S100A13: variants seen among roughly 807,000 people sequenced by gnomAD.
S100A13 encodes the protein S100 calcium binding protein A13, also known as protein S100-A13.
In S100A13, 6 loss-of-function variants were observed where a neutral mutation model predicts 8.2. That is an observed-to-expected ratio of 0.73 (90% CI 0.40 to 1.44). The LOEUF (loss-of-function observed/expected upper bound fraction) is 1.44. Among genes scored for constraint, S100A13 ranks in the 40% most tolerant of loss-of-function variants. The pLI is 0.02. For missense variants in S100A13, 114 were observed against 113.6 expected (o/e 1.00, Z -0.02); for synonymous variants, 39 against 45.9 (o/e 0.85, Z 0.61).
upstream of S100A13, chr1:153,629,399 A>G (rs1418062311): frequency 6.6e-6 from 1 of 152,136 alleles, no homozygotes; most frequent in East Asian, 1.9e-4. Context: ...CTGGGATGTC[A>G]TTCGATCAGG....
At chr1:153,621,358 T>C (rs987672435) in intron 2 of S100A13, among the ~76,000 whole-genome samples, 1 of 151,978 alleles carries the variant, frequency 6.6e-6, no homozygotes, top group South Asian at 2.1e-4. Flanking sequence ...GGTTTCACCA[T>C]GTTTGCCAGG....
chr1:153,619,311 C>T (rs934587181), intron 2 of S100A13, among the ~76,000 whole-genome samples: 1 of 152,202 alleles, frequency 6.6e-6, no homozygotes. Flanking sequence ...AAACCACAAA[C>T]AGGTTGTCGC....
At chr1:153,625,711 A>G (rs1365767072) in intron 2 of S100A13, among the ~76,000 whole-genome samples, 1 of 152,264 alleles carries the variant, frequency 6.6e-6, no homozygotes, top group Non-Finnish European at 1.5e-5. Context: ...CTCTGGGTCC[A>G]GTCCTGTCTT....
upstream of S100A13, chr1:153,628,293 T>C: frequency 6.6e-7 from 1 of 1,514,936 alleles, no homozygotes; most frequent in Non-Finnish European, 8.9e-7. Flanking sequence ...GGCCGCCTGT[T>C]CCAGCCCAGG....
chr1:153,624,946 T>A (rs1314884249), intron 2 of S100A13, among the ~76,000 whole-genome samples: 1 of 152,046 alleles, frequency 6.6e-6, no homozygotes, highest in Non-Finnish European at 1.5e-5. Flanking sequence ...ATGGTGGCGG[T>A]TGCCTGTAAT....
At chr1:153,628,375 G>A (rs759379552), upstream of S100A13, 32 of 1,546,792 alleles carry the variant, frequency 2.1e-5, no homozygotes, top group East Asian at 3.4e-4. Context: ...GGGTGGAGTC[G>A]GTGGGGGGGT....
At chr1:153,633,693 C>T (rs908558794), upstream of S100A13, among the ~76,000 whole-genome samples, 1 of 152,138 alleles carries the variant, frequency 6.6e-6, no homozygotes, top group Non-Finnish European at 1.5e-5. Context: ...TTCCCCAGGC[C>T]CAATTGTCCG....
At chr1:153,630,832 A>G (rs1390301012), upstream of S100A13, among the ~76,000 whole-genome samples, 1 of 152,178 alleles carries the variant, frequency 6.6e-6, no homozygotes, top group Non-Finnish European at 1.5e-5. Context: ...TCCTGGGTCA[A>G]GTCAAAATGC....
upstream of S100A13, chr1:153,632,046 G>A (rs1668047505): frequency 3.4e-6 from 2 of 585,290 alleles, no homozygotes; most frequent in Non-Finnish European, 6.0e-6. Context: ...GCCATCCGAT[G>A]TCTGTCTCCT....
intron 2 of S100A13, among the ~76,000 whole-genome samples, chr1:153,621,863 A>T (rs1667277561): frequency 6.6e-6 from 1 of 151,574 alleles, no homozygotes; most frequent in African/African-American, 2.4e-5. Context: ...ACCTCGTCTC[A>T]AAAAAATTAA....
chr1:153,630,522 A>G (rs1557930828), upstream of S100A13: 1 of 1,614,068 alleles, frequency 6.2e-7, no homozygotes, highest in East Asian at 2.2e-5. Context: ...CACTGCTGCA[A>G]TGGGCTCTGA....
At chr1:153,619,176 G>A (rs9726753) in intron 2 of S100A13, 138 bp from the exon 3 acceptor site, 358,863 of 771,476 alleles carry the variant, frequency 0.47, 89,352 homozygotes, top group East Asian at 0.63. Flanking sequence ...TCTAAAGAAG[G>A]AGGCTGCAGC....
intron 2 of S100A13, among the ~76,000 whole-genome samples, chr1:153,622,230 C>T (rs1447989070): frequency 1.3e-5 from 2 of 151,884 alleles, no homozygotes; most frequent in South Asian, 2.1e-4. Context: ...ATTAGCCAGG[C>T]GTGGTGGCAC....
At chr1:153,628,412 G>C, upstream of S100A13, 1 of 1,550,520 alleles carries the variant, frequency 6.4e-7, no homozygotes, top group Non-Finnish European at 8.7e-7. Context: ...GTTGAAGACA[G>C]GTCTCCACAC....
At chr1:153,632,187 A>AAATGTGGG (rs1668053443), upstream of S100A13, 2 of 206,486 alleles carry the variant, frequency 9.7e-6, no homozygotes, top group African/African-American at 2.3e-5. Flanking sequence ...CAAGGTCCAG[A>AAATGTGGG]AATGTGGGGG....
At chr1:153,621,795 T>C (rs529894212) in intron 2 of S100A13, among the ~76,000 whole-genome samples, 2 of 148,424 alleles carry the variant, frequency 1.3e-5, no homozygotes, top group Non-Finnish European at 3.0e-5. Flanking sequence ...GAGGTGGAGG[T>C]TGCAGTGAGC....
rs1191672307 is a variant in S100A13 at position 153,619,078 on chromosome 1, G to A, written c.154-40C>T. ...AAGGGAAGGGTAGAGTTAGAAACTG[G>A]GGTTCTTGAGAAAGTAGGGAGGGAA... is the stretch of plus-strand genomic sequence containing the variant. On this transcript the variant is annotated intron_variant, in intron 2 of 2. Coordinates refer to ENST00000476133, the MANE Select transcript of S100A13 (RefSeq NM_001024211.2). 5 of 1,586,168 alleles carry A rather than the reference G, an allele frequency of 3.2e-6. No homozygotes were observed. The Admixed American group carries it at 8.7e-5, about 27-fold the overall frequency.
chr1:153,623,932 C>CAG (rs1667441125), intron 2 of S100A13, among the ~76,000 whole-genome samples: 1 of 152,128 alleles, frequency 6.6e-6, no homozygotes, highest in African/African-American at 2.4e-5. Context: ...GGGTTGAGAA[C>CAG]AGAGAGAGAC....
At chr1:153,628,012 C>T, upstream of S100A13, 1 of 1,548,572 alleles carries the variant, frequency 6.5e-7, no homozygotes, top group Non-Finnish European at 8.7e-7. Flanking sequence ...TGAAATCCCT[C>T]TGTGGGTTCT....
Sources: gnomAD v4.1 joint callset for allele counts (sites outside exome capture counted in the v4.1 genomes callset) on GRCh38, gnomAD v4.1.1 for gene constraint, MANE v1.5 for transcripts, NCBI Gene and HGNC (gene_info 2026-07-23, HGNC 2026-07-21) for gene names.